The following PCDHA1 variants were observed in gnomAD, a reference collection of about 807,000 sequenced individuals.
The protein encoded by PCDHA1 is protocadherin alpha 1.
A neutral mutation model predicts 61.3 loss-of-function variants in PCDHA1; 42 were observed. That is an observed-to-expected ratio of 0.69 (90% CI 0.54 to 0.89). The LOEUF (loss-of-function observed/expected upper bound fraction) is 0.89, where lower values mean the gene tolerates loss of function less well. Among genes scored for constraint, PCDHA1 ranks in the 40% least tolerant of loss-of-function variants. PCDHA1 has a pLI of 0.00. For synonymous variants in PCDHA1, 610 were observed against 553.8 expected (o/e 1.10, Z -1.43); for missense variants, 1,256 against 1,235.3 (o/e 1.02, Z -0.25).
intron 1 of PCDHA1, chr5:140,830,285 T>G (rs1554132709): frequency 6.2e-7 from 1 of 1,613,564 alleles, no homozygotes; most frequent in South Asian, 1.1e-5. Context: ...CGAGGGCGCG[T>G]GCACGGCGGA....
chr5:140,994,275 T>C (rs1296337913), intron 3 of PCDHA1, among the ~76,000 whole-genome samples: 1 of 152,156 alleles, frequency 6.6e-6, no homozygotes, highest in African/African-American at 2.4e-5. Flanking sequence ...AGGCTGCCTT[T>C]CTTGAGACAG....
Position 140,801,281 on chromosome 5 carries a change from C to G in PCDHA1, c.2394+12597C>G, listed in dbSNP as rs150081104. ...TCCTCGCAGCCTCGGAGGTGGGGAG[C>G]GGCCAGCTCCACTACTCCGTCTCTG... On this transcript the variant is annotated intron_variant, in intron 1 of 3. Coordinates refer to ENST00000504120, the MANE Select transcript of PCDHA1 (RefSeq NM_018900.4). 1.6e-4 allele frequency: 253 copies of G among 1,613,542 alleles called. 1 individual carries two copies. The African/African-American group carries it at 2.9e-3, about 19-fold the overall frequency.
intron 1 of PCDHA1, chr5:140,822,076 T>A: frequency 1.2e-6 from 2 of 1,614,048 alleles, no homozygotes; most frequent in Non-Finnish European, 1.7e-6. Flanking sequence ...GAGGGCGGAG[T>A]GCAGCATCCA....
chr5:140,878,040 C>T, intron 1 of PCDHA1: 1 of 533,272 alleles, frequency 1.9e-6, no homozygotes, highest in Non-Finnish European at 3.0e-6. Flanking sequence ...ACAATGGAGG[C>T]CATGGAGCAC....
At chr5:140,840,332 C>G (rs1776661015) in intron 1 of PCDHA1, among the ~76,000 whole-genome samples, 1 of 151,624 alleles carries the variant, frequency 6.6e-6, no homozygotes, top group African/African-American at 2.4e-5. Context: ...ATTTTCTAGG[C>G]AATGTTAGGG....
chr5:140,960,848 A>G (rs2095575135), intron 1 of PCDHA1, among the ~76,000 whole-genome samples: 1 of 152,212 alleles, frequency 6.6e-6, no homozygotes, highest in Non-Finnish European at 1.5e-5. Context: ...GTTTAATGGC[A>G]ACTATAAGCC....
At chr5:140,884,169 C>A in intron 1 of PCDHA1, 2 of 1,613,426 alleles carry the variant, frequency 1.2e-6, no homozygotes, top group South Asian at 1.1e-5. Flanking sequence ...ATCAGCACGA[C>A]GCGCCCTCTG....
chr5:140,828,675 T>TTA, intron 1 of PCDHA1: 1 of 1,614,212 alleles, frequency 6.2e-7, no homozygotes, highest in Non-Finnish European at 8.5e-7. Flanking sequence ...ATTGGGCTCT[T>TTA]ATTAAAGAAA....
At chr5:140,994,704 C>CA (rs1294993555) in intron 3 of PCDHA1, among the ~76,000 whole-genome samples, 3 of 150,616 alleles carry the variant, frequency 2.0e-5, no homozygotes, top group African/African-American at 4.9e-5. Flanking sequence ...GACCCTGTCT[C>CA]AAAAAAAAAT....
chr5:140,900,644 C>G (rs1554189317), intron 1 of PCDHA1, among the ~76,000 whole-genome samples: 1 of 152,180 alleles, frequency 6.6e-6, no homozygotes. Context: ...ATTGTGAACA[C>G]TGCTGCAATG....
intron 1 of PCDHA1, among the ~76,000 whole-genome samples, chr5:140,939,692 A>T (rs2092437980): frequency 6.6e-6 from 1 of 152,222 alleles, no homozygotes; most frequent in African/African-American, 2.4e-5. Context: ...GTGTTGCTGG[A>T]CATTATCATT....
intron 1 of PCDHA1, among the ~76,000 whole-genome samples, chr5:140,790,611 G>A (rs1761591746): frequency 6.6e-6 from 1 of 152,122 alleles, no homozygotes; most frequent in Non-Finnish European, 1.5e-5. Flanking sequence ...CTCAAAATAT[G>A]AGACAAACTT....
rs374520361 is a variant in PCDHA1, at chr5:140,870,742, A to C, written c.2394+82058A>C. 10 of 1,613,406 alleles carry C rather than the reference A, an allele frequency of 6.2e-6. No homozygotes were observed. In the African/African-American group the frequency reaches 1.1e-4, roughly 17 times the overall value. On this transcript the variant is annotated intron_variant, in intron 1 of 3. Transcript: ENST00000504120. ...TGCGGGCGTGCCGCCTCTGAGCAGC[A>C]ACGTGACGCTGCAGGTGTTCGTGCT...
intron 1 of PCDHA1, among the ~76,000 whole-genome samples, chr5:140,805,879 T>C (rs1192632179): frequency 6.6e-6 from 1 of 152,126 alleles, no homozygotes; most frequent in Admixed American, 6.5e-5. Context: ...TATTAGGCAA[T>C]GGAAGGAAGC....
intron 1 of PCDHA1, chr5:140,857,755 T>A: frequency 6.3e-7 from 1 of 1,597,184 alleles, no homozygotes; most frequent in Non-Finnish European, 8.6e-7. Flanking sequence ...CGTCTCCCGC[T>A]GGCAGCGCGG....
rs148479176 is a variant in PCDHA1, at chr5:140,884,341, G to A, written c.2395-94608G>A. 6.0e-4 allele frequency: 973 copies of A among 1,613,910 alleles called. 19 individuals carry two copies. In the South Asian group the frequency reaches 7.4e-3, roughly 12 times the overall value. On this transcript the variant is annotated intron_variant, in intron 1 of 3. Transcript: ENST00000504120. ...CGGCAGGCGCTGTGGGTCCAGAAGC[G>A]GCGCTGGTGGATGTCAATGTTTACT...
chr5:140,870,504 C>T (rs782464928), intron 1 of PCDHA1: 13 of 1,614,114 alleles, frequency 8.1e-6, no homozygotes, highest in Middle Eastern at 3.3e-4. Context: ...AGGAGAACAA[C>T]CCACCAGGCT....
intron 1 of PCDHA1, chr5:140,828,617 G>C (rs2150157424): frequency 6.2e-7 from 1 of 1,614,158 alleles, no homozygotes. Context: ...CAGTTCTAGC[G>C]AATACTTCGG....
chr5:140,786,958 A>G lies in PCDHA1; in HGVS notation c.668A>G (p.Gln223Arg). ...ACTGATGGGGGCAAACCGGAGCTGC[A>G]AGGTACAGTTGAGCTGCTGATCACC... is the stretch of plus-strand genomic sequence containing the variant. ...TATDGGKPELQGTVELLITVL... is the reference protein window; with the variant it reads ...TATDGGKPELRGTVELLITVL... Residue 223 changes from glutamine (Q) to arginine (R), a missense_variant, in exon 1 of 4, where the codon CAA (glutamine) becomes CGA (arginine). Coordinates refer to ENST00000504120, the MANE Select transcript of PCDHA1 (RefSeq NM_018900.4). 1 of 1,614,214 alleles carries G rather than the reference A, an allele frequency of 6.2e-7. No homozygotes were observed. The highest frequency in any genetic ancestry group is 8.5e-7 in the Non-Finnish European group (1 of 1,180,038).
Sources: allele counts gnomAD v4.1 joint callset (sites outside exome capture counted in the v4.1 genomes callset), GRCh38; gene constraint gnomAD v4.1.1; transcripts MANE v1.5; gene names NCBI Gene and HGNC (gene_info 2026-07-23, HGNC 2026-07-21).